EIF4G3: variants seen among roughly 807,000 people sequenced by gnomAD.
EIF4G3 encodes eIF-4-gamma 3.
Under a neutral mutation model 186.4 loss-of-function variants are expected in EIF4G3, and 34 were observed. That is an observed-to-expected ratio of 0.18 (90% CI 0.14 to 0.24). The LOEUF (loss-of-function observed/expected upper bound fraction) is 0.24, where lower values mean the gene tolerates loss of function less well. Ranked by LOEUF, EIF4G3 falls within the 10% of genes least tolerant of loss-of-function variation. EIF4G3 has a pLI of 1.00. For missense variants in EIF4G3, 1,536 were observed against 1,948.5 expected, an observed-to-expected ratio of 0.79 and a Z score of 3.99; for synonymous variants, 673 against 679.5, an observed-to-expected ratio of 0.99 and a Z score of 0.15.
intron 33 of EIF4G3, among the ~76,000 whole-genome samples, chr1:20,822,423 G>A (rs533664264): frequency 1.5e-5 from 2 of 134,686 alleles, no homozygotes; most frequent in African/African-American, 2.8e-5. Context: ...GGAGTGCAAT[G>A]GTGCAATCTT....
At chr1:20,884,312 G>C (rs754493988) in intron 19 of EIF4G3, among the ~76,000 whole-genome samples, 4 of 152,104 alleles carry the variant, frequency 2.6e-5, no homozygotes, top group South Asian at 4.1e-4. Context: ...CAGATTACGA[G>C]TTATAACAAC....
At chr1:20,983,415 T>A (rs1207116290) in intron 7 of EIF4G3, among the ~76,000 whole-genome samples, 1 of 152,162 alleles carries the variant, frequency 6.6e-6, no homozygotes, top group Non-Finnish European at 1.5e-5. Context: ...GGTGACAACA[T>A]TTTTTTGTTG....
chr1:21,121,480 A>T (rs980427432), intron 2 of EIF4G3, among the ~76,000 whole-genome samples: 1 of 152,120 alleles, frequency 6.6e-6, no homozygotes, highest in Non-Finnish European at 1.5e-5. Flanking sequence ...CTAAATTATC[A>T]AAAATACCAC....
intron 7 of EIF4G3, among the ~76,000 whole-genome samples, chr1:20,995,649 G>C (rs2082132966): frequency 6.6e-6 from 1 of 152,172 alleles, no homozygotes; most frequent in African/African-American, 2.4e-5. Context: ...TGGGATTACA[G>C]GTTTGAGCAA....
chr1:21,046,841 G>C (rs1309696544), intron 4 of EIF4G3, among the ~76,000 whole-genome samples: 2 of 152,056 alleles, frequency 1.3e-5, no homozygotes, highest in Non-Finnish European at 2.9e-5. Flanking sequence ...ACTAAATCTC[G>C]ACAGGTAGCC....
intron 4 of EIF4G3, among the ~76,000 whole-genome samples, chr1:21,038,065 A>G (rs556679686): frequency 2.0e-5 from 3 of 152,336 alleles, no homozygotes; most frequent in Admixed American, 2.0e-4. Flanking sequence ...GGGAAACACT[A>G]CTGAAATCAT....
chr1:20,814,732 T>A (rs1184071344), intron 34 of EIF4G3, among the ~76,000 whole-genome samples: 1 of 144,696 alleles, frequency 6.9e-6, no homozygotes, highest in African/African-American at 2.6e-5. Context: ...CTAATTTAAT[T>A]AAGGTTAAAA....
At chr1:20,866,893 T>A (rs1187460819) in intron 20 of EIF4G3, among the ~76,000 whole-genome samples, 1 of 152,206 alleles carries the variant, frequency 6.6e-6, no homozygotes, top group East Asian at 1.9e-4. Context: ...TGTATTGACA[T>A]TAAGTGTATA....
rs61779118 is a variant in EIF4G3 at position 21,134,431 on chromosome 1, G to A, written c.-272+41744C>T. Among the ~76,000 whole-genome samples the A allele has an allele frequency of 7.6e-3, 1,163 of 152,256 alleles. 9 individuals carry two copies. Among genetic ancestry groups the A allele is most frequent in the Non-Finnish European group, 0.01 (687 of 68,034 alleles). On this transcript the variant is annotated intron_variant, in intron 2 of 36. Transcript: ENST00000602326. ...CACCTATAATCCCAACACTTTGGAG[G>A]GCCAAGGCAGGAGGATCACATGAGG...
At chr1:20,906,234 A>G (rs1353358803) in intron 14 of EIF4G3, among the ~76,000 whole-genome samples, 1 of 152,094 alleles carries the variant, frequency 6.6e-6, no homozygotes, top group African/African-American at 2.4e-5. Context: ...GTGGGTTTAA[A>G]TTTGCTATTG....
At chr1:21,094,704 G>A (rs1202585116) in intron 2 of EIF4G3, among the ~76,000 whole-genome samples, 1 of 150,114 alleles carries the variant, frequency 6.7e-6, no homozygotes, top group African/African-American at 2.5e-5. Context: ...ACACCAACAT[G>A]GCACATGTAT....
intron 11 of EIF4G3, 90 bp downstream of exon 11, chr1:20,972,912 G>A: frequency 2.0e-6 from 2 of 1,003,340 alleles, no homozygotes; most frequent in East Asian, 2.8e-5. Flanking sequence ...AGTAATTTGT[G>A]AATTGAGATG....
At chr1:21,087,835 G>A (rs1219139007) in intron 3 of EIF4G3, among the ~76,000 whole-genome samples, 5 of 151,922 alleles carry the variant, frequency 3.3e-5, no homozygotes, top group Admixed American at 2.6e-4. Context: ...GGGTTTCACT[G>A]TGTTAGCCAG....
chr1:20,901,100 C>T (rs2090130886), intron 15 of EIF4G3, among the ~76,000 whole-genome samples: 1 of 151,992 alleles, frequency 6.6e-6, no homozygotes, highest in Non-Finnish European at 1.5e-5. Flanking sequence ...TGCACAAACA[C>T]CACCCCACAC....
At chr1:20,943,329 A>T (rs2154562537) in intron 13 of EIF4G3, among the ~76,000 whole-genome samples, 1 of 152,366 alleles carries the variant, frequency 6.6e-6, no homozygotes, top group African/African-American at 2.4e-5. Context: ...ATAATATACA[A>T]AAATGCATCT....
intron 35 of EIF4G3, among the ~76,000 whole-genome samples, chr1:20,812,746 C>T (rs1237522940): frequency 1.3e-5 from 2 of 152,224 alleles, no homozygotes; most frequent in East Asian, 1.9e-4. Flanking sequence ...ATATTTTTTT[C>T]TTCATGTATG....
chr1:21,014,180 AGTT>A (rs1261572674), intron 4 of EIF4G3, among the ~76,000 whole-genome samples: 1 of 152,228 alleles, frequency 6.6e-6, no homozygotes, highest in Non-Finnish European at 1.5e-5. Flanking sequence ...AAACAAAACA[AGTT>A]GTTGTTGTTC....
At chr1:20,806,302 A>G (rs1441635209), downstream of EIF4G3, 3 of 152,460 alleles carry the variant, frequency 2.0e-5, no homozygotes, top group Non-Finnish European at 4.4e-5. Flanking sequence ...ATATACATAC[A>G]TACATGTGCA....
intron 14 of EIF4G3, among the ~76,000 whole-genome samples, chr1:20,926,266 TCTC>T (rs1558269934): frequency 6.6e-6 from 1 of 152,174 alleles, no homozygotes; most frequent in Non-Finnish European, 1.5e-5. Context: ...GCAAGTATCA[TCTC>T]CTCCATGCCT....
Sources: gnomAD v4.1 joint callset for allele counts (sites outside exome capture counted in the v4.1 genomes callset) on GRCh38, gnomAD v4.1.1 for gene constraint, MANE v1.5 for transcripts, NCBI Gene and HGNC (gene_info 2026-07-23, HGNC 2026-07-21) for gene names.